The following CYP19A1 variants were observed in gnomAD, a reference collection of about 807,000 sequenced individuals.
CYP19A1 encodes aromatase.
A neutral mutation model predicts 44.4 loss-of-function variants in CYP19A1; 32 were observed. That is an observed-to-expected ratio of 0.72 (90% CI 0.54 to 0.97). The LOEUF (loss-of-function observed/expected upper bound fraction) is 0.97, where lower values mean the gene tolerates loss of function less well. Ranked by LOEUF, CYP19A1 falls within the 50% of genes least tolerant of loss-of-function variation. CYP19A1 has a pLI of 0.00. For synonymous variants in CYP19A1, 212 were observed against 215.6 expected, an observed-to-expected ratio of 0.98 and a Z score of 0.14; for missense variants, 598 against 637.8, an observed-to-expected ratio of 0.94 and a Z score of 0.67.
At chr15:51,317,323 A>G (rs1443127079) in intron 1 of CYP19A1, among the ~76,000 whole-genome samples, 1 of 152,028 alleles carries the variant, frequency 6.6e-6, no homozygotes, top group Non-Finnish European at 1.5e-5. Flanking sequence ...GTTAGCCAGG[A>G]TGGTCTTGAT....
At chr15:51,278,650 G>A (rs1451341230) in intron 1 of CYP19A1, among the ~76,000 whole-genome samples, 2 of 152,210 alleles carry the variant, frequency 1.3e-5, no homozygotes, top group Admixed American at 1.3e-4. Context: ...TGTTTTATGT[G>A]TGAACGTGAT....
At chr15:51,299,084 C>T (rs756865950) in intron 1 of CYP19A1, among the ~76,000 whole-genome samples, 6 of 152,214 alleles carry the variant, frequency 3.9e-5, no homozygotes, top group Non-Finnish European at 5.9e-5. Flanking sequence ...AGGGGCCTTC[C>T]GCCAAGAGAG....
chr15:51,317,236 G>A (rs1698748896), intron 1 of CYP19A1, among the ~76,000 whole-genome samples: 1 of 151,904 alleles, frequency 6.6e-6, no homozygotes, highest in African/African-American at 2.4e-5. Context: ...CGAGTAGCTG[G>A]GACTACAGGC....
chr15:51,282,584 G>A (rs1438922929), intron 1 of CYP19A1, among the ~76,000 whole-genome samples: 2 of 152,142 alleles, frequency 1.3e-5, no homozygotes, highest in African/African-American at 2.4e-5. Flanking sequence ...TACTTGCGTT[G>A]GCCACCTGGA....
At chr15:51,337,929 C>T (rs2036803507) in intron 1 of CYP19A1, 1 of 152,410 alleles carries the variant, frequency 6.6e-6, no homozygotes, top group South Asian at 2.1e-4. Context: ...AGGAGTCTGG[C>T]TTTTCATTTG....
chr15:51,262,061 G>A (rs2034744239), intron 1 of CYP19A1, among the ~76,000 whole-genome samples: 1 of 152,310 alleles, frequency 6.6e-6, no homozygotes, highest in South Asian at 2.1e-4. Context: ...CCATGCTGAA[G>A]GTTGTGGGTT....
chr15:51,337,211 T>A (rs964394040), intron 1 of CYP19A1, among the ~76,000 whole-genome samples: 1 of 152,190 alleles, frequency 6.6e-6, no homozygotes, highest in Admixed American at 6.5e-5. Context: ...TTAAGATAGG[T>A]CCCTGCCTTA....
chr15:51,208,673 A>G lies in CYP19A1; in HGVS notation c.*2135T>C, dbSNP rs1167459040. 4 of 152,006 alleles carry G rather than the reference A, an allele frequency of 2.6e-5. No individual in the cohort carries two copies. Among genetic ancestry groups the G allele is most frequent in the African/African-American group, 9.6e-5 (4 of 41,510 alleles). 9.4% of individuals were successfully genotyped at this position (152,006 alleles called of 1,614,324 possible). A position where few individuals can be genotyped will look rare whatever the true frequency, so the allele number is the denominator to read the frequency against. On this transcript the variant is annotated 3_prime_UTR_variant, in exon 10 of 10. Transcript: ENST00000396402. ...TGAAAAGTTGAACAACTACCCAGGT[A>G]ATTTGATTCTGGGAGAGTTTGCTTG...
chr15:51,256,240 A>G (rs1336098692), intron 1 of CYP19A1, among the ~76,000 whole-genome samples: 2 of 152,236 alleles, frequency 1.3e-5, no homozygotes, highest in Non-Finnish European at 2.9e-5. Context: ...GGAAAAAATA[A>G]GGACAAATTC....
intron 1 of CYP19A1, chr15:51,277,963 T>TTTG (rs1031293451): frequency 6.7e-6 from 1 of 149,196 alleles, no homozygotes; most frequent in Non-Finnish European, 1.5e-5. Context: ...AGTTTTTTTT[T>TTTG]TTTTTTTTTT....
chr15:51,215,601 TA>T lies in CYP19A1; in HGVS notation c.858+101del, dbSNP rs3214647. 55,341 of 1,601,480 alleles carry T rather than the reference TA, an allele frequency of 0.035. 2,293 individuals are homozygous for T. The highest frequency in any genetic ancestry group is 0.21 in the East Asian group (9,325 of 44,440). ...TTACAGAACTGCTAGAGAAAGTATT[TA>T]AAAGCAGAAATATGCAACAGTTACA... is the stretch of plus-strand genomic sequence containing the variant. On this transcript the variant is annotated intron_variant, in intron 7 of 9. Coordinates refer to ENST00000396402, the MANE Select transcript of CYP19A1 (RefSeq NM_000103.4).
intron 1 of CYP19A1, among the ~76,000 whole-genome samples, chr15:51,272,675 A>G (rs1249381191): frequency 6.6e-6 from 1 of 152,192 alleles, no homozygotes; most frequent in Non-Finnish European, 1.5e-5. Flanking sequence ...TTGCTCCTCT[A>G]CAGCAGGGTA....
chr15:51,295,480 T>C (rs1378801069), intron 1 of CYP19A1, among the ~76,000 whole-genome samples: 2 of 152,186 alleles, frequency 1.3e-5, no homozygotes, highest in African/African-American at 4.8e-5. Context: ...CATGAATCTG[T>C]GAGCCCTGCA....
At chr15:51,244,386 C>T (rs1156628367) in intron 1 of CYP19A1, among the ~76,000 whole-genome samples, 1 of 152,104 alleles carries the variant, frequency 6.6e-6, no homozygotes, top group Non-Finnish European at 1.5e-5. Flanking sequence ...GGGTGCAGGG[C>T]ACTGAAAATG....
Position 51,210,401 on chromosome 15 carries a change from G to C in CYP19A1, c.*407C>G, listed in dbSNP as rs918119816. On this transcript the variant is annotated 3_prime_UTR_variant, in exon 10 of 10. Transcript: ENST00000396402. The stretch of plus-strand genomic sequence containing the variant: ...GCCCCAGGTACCCTGACATTGGCCT[G>C]GTCTTTCTAATCAACTTGAGTGTTT... 2.0e-6 allele frequency: 1 copy of C among 506,514 alleles called. No homozygotes were observed. The highest frequency in any genetic ancestry group is 2.3e-5 in the Admixed American group (1 of 43,892). 31.4% of individuals were successfully genotyped at this position (506,514 alleles called of 1,614,324 possible). A position where few individuals can be genotyped will look rare whatever the true frequency, so the allele number is the denominator to read the frequency against.
rs2031087574 is a variant in CYP19A1, at chr15:51,212,379, G to A, written c.1204C>T (p.His402Tyr). 5 of 1,587,060 alleles carry A rather than the reference G, an allele frequency of 3.2e-6. No individual in the cohort carries two copies. The highest frequency in any genetic ancestry group is 4.3e-6 in the Non-Finnish European group (5 of 1,155,294). ...TNIILNIGRMHRLEFFPKPNE... is the reference protein window; with the variant it reads ...TNIILNIGRMYRLEFFPKPNE... ...GGTTTGGGGAAAAACTCGAGTCTGT[G>A]CATCCTTCCAATATTCAGGATAATG... The change falls in exon 9 of 10, where the codon CAC (histidine) becomes TAC (tyrosine). Residue 402 changes from histidine (H) to tyrosine (Y), a missense_variant. Coordinates refer to ENST00000396402, the MANE Select transcript of CYP19A1 (RefSeq NM_000103.4).
chr15:51,313,540 T>C (rs961240857), intron 1 of CYP19A1, among the ~76,000 whole-genome samples: 1 of 152,210 alleles, frequency 6.6e-6, no homozygotes, highest in African/African-American at 2.4e-5. Flanking sequence ...CTCATGCCTG[T>C]AATCCCAGCA....
chr15:51,251,759 A>T (rs1349213849), intron 1 of CYP19A1, among the ~76,000 whole-genome samples: 1 of 152,234 alleles, frequency 6.6e-6, no homozygotes, highest in East Asian at 1.9e-4. Flanking sequence ...AGATAGCAGC[A>T]GCACTGCTGG....
At chr15:51,239,065 G>A (rs954769915) in intron 2 of CYP19A1, among the ~76,000 whole-genome samples, 9 of 152,220 alleles carry the variant, frequency 5.9e-5, no homozygotes, top group Admixed American at 3.3e-4. Flanking sequence ...GCTGGAGGAA[G>A]GTAGAAACTT....
Sources: gnomAD v4.1 joint callset for allele counts (sites outside exome capture counted in the v4.1 genomes callset) on GRCh38, gnomAD v4.1.1 for gene constraint, MANE v1.5 for transcripts, NCBI Gene and HGNC (gene_info 2026-07-23, HGNC 2026-07-21) for gene names.